GABRA5: variants seen among roughly 807,000 people sequenced by gnomAD.
GABRA5 encodes the protein gamma-aminobutyric acid receptor subunit alpha-5.
In GABRA5, 18 loss-of-function variants were observed where a neutral mutation model predicts 47.3. The observed-to-expected ratio is 0.38, with a 90% CI of 0.26 to 0.56. GABRA5 has a LOEUF of 0.56. Among genes scored for constraint, GABRA5 ranks in the 20% least tolerant of loss-of-function variants. The pLI, the probability that GABRA5 is intolerant of heterozygous loss-of-function variation, is 0.71. For missense variants in GABRA5, 365 were observed against 599.3 expected (o/e 0.61, Z 4.08); for synonymous variants, 237 against 229.3 (o/e 1.03, Z -0.30).
intron 6 of GABRA5, among the ~76,000 whole-genome samples, chr15:26,903,285 T>G (rs1289445177): frequency 1.3e-5 from 2 of 152,250 alleles, no homozygotes; most frequent in Non-Finnish European, 2.9e-5. Flanking sequence ...ACAAAGGACA[T>G]GATCTTCTTT....
intron 7 of GABRA5, among the ~76,000 whole-genome samples, chr15:26,915,293 ACTT>A (rs1463825019): frequency 1.3e-5 from 2 of 152,200 alleles, no homozygotes; most frequent in Non-Finnish European, 2.9e-5. Context: ...GTGTTGACTC[ACTT>A]CTTCTAGAAT....
Position 26,880,840 on chromosome 15 carries a change from T to C in GABRA5, c.87-6T>C, listed in dbSNP as rs1331208402. On this transcript the variant is annotated splice_polypyrimidine_tract_variant and splice_region_variant and intron_variant, in intron 3 of 10. Transcript: ENST00000335625. ...TAACGCTTCCTCTTGTTTCTCTTTTTAAAAGCTTTTCACAGATGCCAACCA... is the reference window on the plus strand; with the variant it reads ...TAACGCTTCCTCTTGTTTCTCTTTTCAAAAGCTTTTCACAGATGCCAACCA... 3 of 1,612,658 alleles carry C rather than the reference T, an allele frequency of 1.9e-6. No homozygotes were observed. The highest frequency in any genetic ancestry group is 2.5e-6 in the Non-Finnish European group (3 of 1,179,512).
Position 26,922,665 on chromosome 15 carries a change from C to T in GABRA5, c.580+7780C>T, listed in dbSNP as rs528984478. Among the ~76,000 whole-genome samples, 124 of 143,832 alleles carry T rather than the reference C, an allele frequency of 8.6e-4. 1 individual carries two copies. The highest frequency in any genetic ancestry group is 1.6e-3 in the South Asian group (7 of 4,494). 94.4% of individuals were successfully genotyped at this position (143,832 alleles called of 152,430 possible). A position where few individuals can be genotyped will look rare whatever the true frequency, so the allele number is the denominator to read the frequency against. On this transcript the variant is annotated intron_variant, in intron 7 of 10. Coordinates refer to ENST00000335625, the MANE Select transcript of GABRA5 (RefSeq NM_000810.4). ...TTTCTTTTGTCTGTCTTACTGTGGA[C>T]ATTTTTTACTATTCCATTTTGATTT...
intron 10 of GABRA5, among the ~76,000 whole-genome samples, chr15:26,946,987 C>T (rs1894526784): frequency 6.6e-6 from 1 of 152,126 alleles, no homozygotes. Flanking sequence ...TCTCAAAAGC[C>T]TTGTGCTGGG....
intron 6 of GABRA5, among the ~76,000 whole-genome samples, chr15:26,892,827 G>A (rs577254973): frequency 4.4e-4 from 67 of 152,296 alleles, no homozygotes; most frequent in African/African-American, 1.5e-3. Flanking sequence ...GGCTTCCGGA[G>A]GCTTCTCTGA....
rs779975888 is a variant in GABRA5 at position 26,883,429 on chromosome 15, C to T, written c.369C>T (p.Leu123=). Residue 123 remains leucine (L), a synonymous_variant, in exon 6 of 11, where the codon CTC becomes CTT. Coordinates refer to ENST00000335625, the MANE Select transcript of GABRA5 (RefSeq NM_000810.4). The surrounding 1 kb of genome is among the most constrained non-coding windows in gnomAD (Gnocchi z 4.8). ...TGCAGCGCCTCCCTCTCAACAACCT[C>T]CTTGCCAGCAAGATCTGGACCCCAG... ...GPMQRLPLNN[L]LASKIWTPDT... is the part of the protein sequence containing the mutation. 2 of 1,614,168 alleles carry T rather than the reference C, an allele frequency of 1.2e-6. No individual in the cohort carries two copies. Among genetic ancestry groups the T allele is most frequent in the Non-Finnish European group, 1.7e-6 (2 of 1,179,994 alleles).
intron 8 of GABRA5, among the ~76,000 whole-genome samples, chr15:26,937,960 G>C (rs890025565): frequency 2.0e-5 from 3 of 152,240 alleles, no homozygotes; most frequent in African/African-American, 4.8e-5. Flanking sequence ...GTCACCAGGG[G>C]TGCTGTGAGC....
chr15:26,875,134 A>G (rs943200243), intron 3 of GABRA5, among the ~76,000 whole-genome samples: 1 of 152,226 alleles, frequency 6.6e-6, no homozygotes, highest in African/African-American at 2.4e-5. Context: ...ATGCTCAAGC[A>G]AGCCCAGGTC....
chr15:26,916,734 CTTTAA>C (rs1451616038), intron 7 of GABRA5, among the ~76,000 whole-genome samples: 3 of 151,800 alleles, frequency 2.0e-5, no homozygotes, highest in African/African-American at 7.3e-5. Context: ...TTTGTGTTTT[CTTTAA>C]TTTATTTCAT....
intron 7 of GABRA5, among the ~76,000 whole-genome samples, chr15:26,921,852 C>T (rs532810441): frequency 1.2e-4 from 18 of 152,176 alleles, no homozygotes; most frequent in South Asian, 1.0e-3. Context: ...CTTTGACCCA[C>T]GTATTATTTA....
At chr15:26,893,395 G>GGCGTGTGTTTATAGGTGTGTGTA (rs1370586733) in intron 6 of GABRA5, among the ~76,000 whole-genome samples, 1 of 1,438 alleles carries the variant, frequency 7.0e-4, no homozygotes, top group Non-Finnish European at 1.4e-3. Context: ...TGGAGTATGT[G>GGCGTGTGTTTATAGGTGTGTGTA]TATGGTGTGT....
At chr15:26,885,184 A>G (rs960029121) in intron 6 of GABRA5, among the ~76,000 whole-genome samples, 2 of 151,980 alleles carry the variant, frequency 1.3e-5, no homozygotes, top group Non-Finnish European at 2.9e-5. Context: ...CTGCAGTCCC[A>G]GCTACTTGGG....
intron 6 of GABRA5, among the ~76,000 whole-genome samples, chr15:26,909,103 C>G (rs981048450): frequency 1.3e-5 from 2 of 152,144 alleles, no homozygotes; most frequent in Non-Finnish European, 2.9e-5. Flanking sequence ...TGAAATGCAG[C>G]TGTGGGCAGG....
chr15:26,940,555 A>G (rs1025950559), intron 9 of GABRA5, among the ~76,000 whole-genome samples: 1 of 151,994 alleles, frequency 6.6e-6, no homozygotes, highest in Admixed American at 6.6e-5. Context: ...AAAGTTTTGG[A>G]TTCTGTAGCG....
chr15:26,892,919 G>A (rs1055860735), intron 6 of GABRA5, among the ~76,000 whole-genome samples: 5 of 151,786 alleles, frequency 3.3e-5, no homozygotes, highest in Non-Finnish European at 5.9e-5. Context: ...TTGTGTGTGC[G>A]TGATGTGTGT....
At chr15:26,882,430 T>C (rs966887386) in intron 4 of GABRA5, among the ~76,000 whole-genome samples, 1 of 152,156 alleles carries the variant, frequency 6.6e-6, no homozygotes, top group Non-Finnish European at 1.5e-5. Flanking sequence ...GGCTGGAAGT[T>C]ACCCGGTGTG....
intron 6 of GABRA5, among the ~76,000 whole-genome samples, chr15:26,909,417 C>T (rs1566876550): frequency 6.6e-6 from 1 of 152,156 alleles, no homozygotes; most frequent in Non-Finnish European, 1.5e-5. Flanking sequence ...GGGACATGGA[C>T]ATCTTTGGAG....
intron 4 of GABRA5, among the ~76,000 whole-genome samples, chr15:26,882,690 A>G (rs531926188): frequency 6.6e-6 from 1 of 152,208 alleles, no homozygotes; most frequent in East Asian, 1.9e-4. Context: ...CATTCTCAAC[A>G]TCGTTTCCCG....
intron 6 of GABRA5, among the ~76,000 whole-genome samples, chr15:26,900,015 C>G (rs1893289193): frequency 6.6e-6 from 1 of 151,958 alleles, no homozygotes; most frequent in African/African-American, 2.4e-5. Context: ...TAGCGTACCA[C>G]TTTAATTTTC....
Sources: allele counts gnomAD v4.1 joint callset (sites outside exome capture counted in the v4.1 genomes callset), GRCh38; gene constraint gnomAD v4.1.1; non-coding constraint Gnocchi (gnomAD v3.1); transcripts MANE v1.5; gene names NCBI Gene and HGNC (gene_info 2026-07-23, HGNC 2026-07-21).